Variants in CD276 observed in about 807,000 individuals in gnomAD.
The protein encoded by CD276 is CD276 antigen.
A neutral mutation model predicts 50.0 loss-of-function variants in CD276; 34 were observed. That is an observed-to-expected ratio of 0.68 (90% CI 0.52 to 0.91). CD276 has a LOEUF of 0.91. Among genes scored for constraint, CD276 ranks in the 40% least tolerant of loss-of-function variants. The pLI is 0.00. For synonymous variants in CD276, 275 were observed against 313.0 expected (o/e 0.88, Z 1.28); for missense variants, 634 against 717.5 (o/e 0.88, Z 1.33).
Position 73,704,293 on chromosome 15 carries a change from A to C in CD276, c.1190A>C (p.Gln397Pro). 1.9e-6 allele frequency: 3 copies of C among 1,613,984 alleles called. No homozygotes were observed. Among genetic ancestry groups the C allele is most frequent in the Non-Finnish European group, 2.5e-6 (3 of 1,180,022 alleles). Reference protein sequence around the residue: ...RGYPEAEVFWQDGQGVPLTGN... With the variant: ...RGYPEAEVFWPDGQGVPLTGN... ...TACCCTGAGGCTGAGGTGTTCTGGC[A>C]GGATGGGCAGGGTGTGCCCCTGACT... The change falls in exon 6 of 10, where the codon CAG becomes CCG. Residue 397 changes from glutamine (Q) to proline (P), a missense_variant. Physicochemically the swap from Gln to Pro is moderately conservative, Grantham distance 76 (BLOSUM62 -1). Transcript: ENST00000318443. The surrounding 1 kb of genome is among the most constrained non-coding windows in gnomAD (Gnocchi z 4.1).
chr15:73,711,390 G>GA, intron 9 of CD276: 1 of 563,338 alleles, frequency 1.8e-6, no homozygotes, highest in Non-Finnish European at 3.2e-6. Context: ...AGCAGGACAG[G>GA]AGTTTATTCC....
chr15:73,697,640 C>T (rs542666679), intron 1 of CD276: 1 of 149,728 alleles, frequency 6.7e-6, no homozygotes, highest in South Asian at 2.1e-4. Flanking sequence ...GCGATTTCCA[C>T]TCACTACAAC....
At chr15:73,703,579 G>A (rs1403336729) in intron 4 of CD276, 80 bp from the exon 5 acceptor site, 12 of 1,123,664 alleles carry the variant, frequency 1.1e-5, no homozygotes, top group Admixed American at 2.7e-5. Context: ...ATTGATGGGG[G>A]AAGAGTTTGG....
rs1454718860 is a variant in CD276, at chr15:73,714,016, T to A, written c.*1060T>A. Reference sequence around the variant, plus strand: ...CCTGCCTGGCTCCCTGCTCCACACCTCCTCTGTGGCTCAAGGCTTCCTGGA... The same window carrying A: ...CCTGCCTGGCTCCCTGCTCCACACCACCTCTGTGGCTCAAGGCTTCCTGGA... On this transcript the variant is annotated 3_prime_UTR_variant, in exon 10 of 10. Transcript: ENST00000318443. 2 of 299,128 alleles carry A rather than the reference T, an allele frequency of 6.7e-6. No individual in the cohort carries two copies. The highest frequency in any genetic ancestry group is 2.7e-5 in the South Asian group (1 of 36,508). The allele number at this position is 299,128 out of a possible 1,614,324, so 18.5% of individuals were successfully genotyped here. A position where few individuals can be genotyped will look rare whatever the true frequency, so the allele number is the denominator to read the frequency against.
intron 1 of CD276, among the ~76,000 whole-genome samples, chr15:73,693,332 T>C (rs964447838): frequency 1.3e-5 from 2 of 152,212 alleles, no homozygotes; most frequent in African/African-American, 4.8e-5. Context: ...ACGACAGGGT[T>C]ACACAGCATT....
chr15:73,698,233 C>G (rs1027905932), intron 1 of CD276, among the ~76,000 whole-genome samples: 1 of 152,238 alleles, frequency 6.6e-6, no homozygotes, highest in African/African-American at 2.4e-5. Context: ...CTTGGTCACT[C>G]AATACAGATG....
In CD276 at chr15:73,704,716, G is replaced by A. The variant is rs1900578830; in HGVS notation, c.1369+244G>A. Reference sequence around the variant, plus strand: ...TTATGCTTCTTATGCAGAGGACAAGGTACCTGCCCGAAATTTGGAGGCATG... The same window carrying A: ...TTATGCTTCTTATGCAGAGGACAAGATACCTGCCCGAAATTTGGAGGCATG... On this transcript the variant is annotated intron_variant, in intron 6 of 9. Transcript: ENST00000318443. This position sits in a 1 kb window ranked among gnomAD's most constrained non-coding sequence, Gnocchi z 4.1. Among the ~76,000 whole-genome samples the A allele has an allele frequency of 6.6e-6, 1 of 152,196 alleles. No homozygotes were observed. The highest frequency in any genetic ancestry group is 1.5e-5 in the Non-Finnish European group (1 of 68,040).
rs193218377 is a variant in CD276, at chr15:73,701,701, A to G, written c.80-554A>G. ...TAAAGGTACGGGTATTCTTTCTTGT[A>G]TAAAAACAAATCGTGTTTCGTTAGG... is the stretch of plus-strand genomic sequence containing the variant. On this transcript the variant is annotated intron_variant, in intron 2 of 9. Transcript: ENST00000318443. 4.7e-3 allele frequency among the ~76,000 whole-genome samples: 711 copies of G among 152,348 alleles called. 4 individuals are homozygous for G. Among genetic ancestry groups the G allele is most frequent in the Non-Finnish European group, 8.0e-3 (542 of 68,028 alleles).
At chr15:73,691,613 C>G (rs1228902793) in intron 1 of CD276, among the ~76,000 whole-genome samples, 1 of 152,130 alleles carries the variant, frequency 6.6e-6, no homozygotes, top group Non-Finnish European at 1.5e-5. Context: ...GAGGACAGCT[C>G]CACCAGTACA....
Position 73,699,718 on chromosome 15 carries a change from GGTGAGGGTAGCA to G in CD276, c.79+2_79+13del. The G allele has an allele frequency of 6.2e-7, 1 of 1,600,858 alleles. No individual in the cohort carries two copies. The highest frequency in any genetic ancestry group is 2.2e-5 in the East Asian group (1 of 44,480). ...GGGAGCACTGTGGTTCTGCCTCACA[GGTGAGGGTAGCA>G]GCATGGGGACGGGAGGGGAGGGACA... On this transcript the variant is annotated splice_donor_variant and splice_donor_5th_base_variant and intron_variant, in intron 2 of 9. Coordinates refer to ENST00000318443, the MANE Select transcript of CD276 (RefSeq NM_001024736.2). LOFTEE classifies it high-confidence loss of function.
At chr15:73,712,629 GA>G (rs886258847) in intron 9 of CD276, among the ~76,000 whole-genome samples, 1 of 152,224 alleles carries the variant, frequency 6.6e-6, no homozygotes, top group African/African-American at 2.4e-5. Flanking sequence ...GATGAGAAGG[GA>G]AAAGTGTTGC....
chr15:73,703,500 T>C (rs1344273193), intron 4 of CD276, among the ~76,000 whole-genome samples, 159 bp from the exon 5 acceptor site: 2 of 152,160 alleles, frequency 1.3e-5, no homozygotes, highest in African/African-American at 4.8e-5. Context: ...ACTCCATATC[T>C]GAGAGTCCTC....
At chr15:73,712,852 T>C in intron 9 of CD276, 82 bp from the exon 10 acceptor site, 2 of 1,446,624 alleles carry the variant, frequency 1.4e-6, no homozygotes, top group African/African-American at 1.4e-5. Context: ...GTGCTTGGGC[T>C]TCTGGCATAA....
chr15:73,708,181 G>A (rs1370202800), intron 6 of CD276, among the ~76,000 whole-genome samples, 158 bp from the exon 7 acceptor site: 1 of 152,188 alleles, frequency 6.6e-6, no homozygotes, highest in Non-Finnish European at 1.5e-5. Flanking sequence ...TTTGGGGAGT[G>A]TATGGCGAAG....
At chr15:73,690,908 C>G in intron 1 of CD276, 6 of 393,984 alleles carry the variant, frequency 1.5e-5, no homozygotes, top group South Asian at 1.1e-4. Flanking sequence ...GGAGGAGCTG[C>G]GATCTTATCA....
rs145891493 is a variant in CD276, at chr15:73,702,847, G to C, written c.494G>C (p.Cys165Ser). Residue 165 changes from cysteine to serine, a missense_variant, in exon 4 of 10, where the codon TGC (cysteine) becomes TCC (serine). Coordinates refer to ENST00000318443, the MANE Select transcript of CD276 (RefSeq NM_001024736.2). ...LRPGDTVTIT[C>S]SSYQGYPEAE... is the part of the protein sequence containing the mutation. Reference sequence around the variant, plus strand: ...CCAGGGGACACGGTGACCATCACGTGCTCCAGCTACCAGGGCTACCCTGAG... The same window carrying C: ...CCAGGGGACACGGTGACCATCACGTCCTCCAGCTACCAGGGCTACCCTGAG... 3 of 1,614,024 alleles carry C rather than the reference G, an allele frequency of 1.9e-6. No individual in the cohort carries two copies. Among genetic ancestry groups the C allele is most frequent in the African/African-American group, 2.7e-5 (2 of 74,930 alleles).
At position 73,704,058 on chromosome 15, in the gene CD276, C is replaced by T; in HGVS notation, c.1072+61C>T. 1 of 1,568,190 alleles carries T rather than the reference C, an allele frequency of 6.4e-7. No individual in the cohort carries two copies. Among genetic ancestry groups the T allele is most frequent in the Non-Finnish European group, 8.6e-7 (1 of 1,157,146 alleles). ...CACCCTCCATTCCCTCTGCAGCCCA[C>T]CCTCTGCTGCACCACTGCTCCCAGA... On this transcript the variant is annotated intron_variant, in intron 5 of 9. Coordinates refer to ENST00000318443, the MANE Select transcript of CD276 (RefSeq NM_001024736.2). This position sits in a 1 kb window ranked among gnomAD's most constrained non-coding sequence, Gnocchi z 4.1.
At position 73,704,376 on chromosome 15, in the gene CD276, G is replaced by A. The variant is rs147409005; in HGVS notation, c.1273G>A (p.Val425Ile). Residue 425 changes from valine (V) to isoleucine (I), a missense_variant, in exon 6 of 10, where the codon GTC becomes ATC. By Grantham distance (29) the Val-to-Ile change is conservative. Coordinates refer to ENST00000318443, the MANE Select transcript of CD276 (RefSeq NM_001024736.2). The surrounding 1 kb of genome is among the most constrained non-coding windows in gnomAD (Gnocchi z 4.1). ...NEQGLFDVHS[V>I]LRVVLGANGT... ...GCAGGGCTTGTTTGATGTGCACAGCGTCCTGCGGGTGGTGCTGGGTGCGAA... is the reference window on the plus strand; with the variant it reads ...GCAGGGCTTGTTTGATGTGCACAGCATCCTGCGGGTGGTGCTGGGTGCGAA... The A allele has an allele frequency of 9.2e-5, 148 of 1,614,004 alleles. 1 individual carries two copies. The highest frequency in any genetic ancestry group is 4.4e-4 in the South Asian group (40 of 91,072).
chr15:73,713,660 C>T lies in CD276; in HGVS notation c.*704C>T, dbSNP rs1319656376. 8 of 395,308 alleles carry T rather than the reference C, an allele frequency of 2.0e-5. No homozygotes were observed. In the East Asian group the frequency reaches 4.1e-4, roughly 20 times the overall value. 24.5% of individuals were successfully genotyped at this position (395,308 alleles called of 1,614,324 possible). On this transcript the variant is annotated 3_prime_UTR_variant, in exon 10 of 10. Transcript: ENST00000318443. ...ACCTGCAGGTGCACGTGCTGGAACA[C>T]GTGTGGTTCCCCCCTGGCCCAGCCT...
Sources: gnomAD v4.1 joint callset for allele counts (sites outside exome capture counted in the v4.1 genomes callset) on GRCh38, gnomAD v4.1.1 for gene constraint, Gnocchi (gnomAD v3.1) non-coding constraint, MANE v1.5 for transcripts, NCBI Gene and HGNC (gene_info 2026-07-23, HGNC 2026-07-21) for gene names.